Variants in ZNF215 observed in about 807,000 individuals in gnomAD.
The protein encoded by ZNF215 is zinc finger protein 215.
Under a neutral mutation model 27.2 loss-of-function variants are expected in ZNF215, and 24 were observed. The ratio of observed to expected loss-of-function variants is 0.88; its 90% CI spans 0.64 to 1.24. The LOEUF (loss-of-function observed/expected upper bound fraction) is 1.24, where lower values mean the gene tolerates loss of function less well. ZNF215 is among the 50% of genes most tolerant of loss of function. ZNF215 has a pLI of 0.00. For synonymous variants in ZNF215, 210 were observed against 204.0 expected (o/e 1.03, Z -0.25); for missense variants, 675 against 605.7 (o/e 1.11, Z -1.20).
rs574569043 is a variant in ZNF215 at position 6,931,537 on chromosome 11, A to C, written c.-179-557A>C. On this transcript the variant is annotated intron_variant, in intron 2 of 6. Transcript: ENST00000278319. ...CCTGGTGGGCATTGCGTAATTCTCC[A>C]TAGTAACTCCTAACAAATATAAACT... 4.2e-3 allele frequency among the ~76,000 whole-genome samples: 642 copies of C among 152,366 alleles called. 7 individuals carry two copies. The highest frequency in any genetic ancestry group is 0.014 in the African/African-American group (597 of 41,580).
At chr11:6,990,868 TA>T (rs761956688), downstream of ZNF215, among the ~76,000 whole-genome samples, 2 of 152,172 alleles carry the variant, frequency 1.3e-5, no homozygotes, top group Non-Finnish European at 2.9e-5. Flanking sequence ...TCATTTAAAT[TA>T]GTGTGGCACT....
intron 5 of ZNF215, among the ~76,000 whole-genome samples, chr11:6,979,284 G>A (rs554057760): frequency 2.8e-4 from 43 of 151,420 alleles, no homozygotes; most frequent in Non-Finnish European, 6.2e-4. Flanking sequence ...AAATCTAGAG[G>A]GACTTCTGCT....
At chr11:6,927,935 A>T (rs1190917148) in intron 2 of ZNF215, 128 bp downstream of exon 2, 1 of 152,068 alleles carries the variant, frequency 6.6e-6, no homozygotes, top group African/African-American at 2.4e-5. Flanking sequence ...AGGCTTTTCC[A>T]TTGCCTATCA....
chr11:6,947,808 T>A (rs539981845), intron 6 of ZNF215, among the ~76,000 whole-genome samples: 1 of 152,326 alleles, frequency 6.6e-6, no homozygotes, highest in African/African-American at 2.4e-5. Context: ...TAGCTGGGAA[T>A]GCAGCATTCC....
intron 6 of ZNF215, among the ~76,000 whole-genome samples, chr11:6,949,165 T>C (rs1564957303): frequency 1.3e-5 from 2 of 151,662 alleles, no homozygotes; most frequent in African/African-American, 4.8e-5. Flanking sequence ...ACATTTGGGT[T>C]GGTTCCAAGT....
chr11:6,944,484 A>C (rs1252801020), intron 6 of ZNF215, among the ~76,000 whole-genome samples: 1 of 149,998 alleles, frequency 6.7e-6, no homozygotes, highest in African/African-American at 2.5e-5. Flanking sequence ...CAAACTCCTG[A>C]GCTCAAGTGA....
At chr11:6,977,505 T>C (rs2133347318) in intron 5 of ZNF215, among the ~76,000 whole-genome samples, 1 of 151,964 alleles carries the variant, frequency 6.6e-6, no homozygotes, top group East Asian at 1.9e-4. Context: ...TATTTGGAGA[T>C]AGGGCCTTTA....
At chr11:6,960,412 T>C (rs961180827), downstream of ZNF215, among the ~76,000 whole-genome samples, 2 of 152,118 alleles carry the variant, frequency 1.3e-5, no homozygotes, top group African/African-American at 2.4e-5. Flanking sequence ...AAGACCAGCA[T>C]CCAGCCTACA....
chr11:6,954,135 T>G (rs1458980670), intron 6 of ZNF215, among the ~76,000 whole-genome samples: 1 of 152,176 alleles, frequency 6.6e-6, no homozygotes, highest in African/African-American at 2.4e-5. Context: ...GAGATGTCAG[T>G]CTGCCCCTAC....
At chr11:6,974,120 C>T (rs1590084739) in intron 5 of ZNF215, among the ~76,000 whole-genome samples, 1 of 152,058 alleles carries the variant, frequency 6.6e-6, no homozygotes, top group African/African-American at 2.4e-5. Context: ...TATGGCTAGC[C>T]AGTTTTCCCA....
chr11:6,969,486 A>G (rs967111044), intron 5 of ZNF215, among the ~76,000 whole-genome samples: 6 of 152,130 alleles, frequency 3.9e-5, no homozygotes, highest in African/African-American at 1.2e-4. Flanking sequence ...TTTTCAACCT[A>G]TGTGTACAAA....
chr11:6,930,758 A>G (rs1275814668), intron 2 of ZNF215, among the ~76,000 whole-genome samples: 1 of 152,230 alleles, frequency 6.6e-6, no homozygotes, highest in African/African-American at 2.4e-5. Context: ...TAATTTGATC[A>G]GATATTTTTA....
intron 5 of ZNF215, among the ~76,000 whole-genome samples, chr11:6,976,162 A>G (rs1388523): frequency 0.23 from 34,452 of 151,926 alleles, 4,035 homozygotes; most frequent in Non-Finnish European, 0.25. Context: ...TGTTTATTCA[A>G]ATCATTTGCC....
At chr11:6,945,400 T>C (rs954268811) in intron 6 of ZNF215, among the ~76,000 whole-genome samples, 2 of 152,164 alleles carry the variant, frequency 1.3e-5, no homozygotes, top group African/African-American at 4.8e-5. Context: ...TATTACTCTT[T>C]TTCTCACCTC....
intron 6 of ZNF215, among the ~76,000 whole-genome samples, chr11:6,944,572 C>A (rs1849749812): frequency 1.3e-5 from 2 of 151,654 alleles, no homozygotes; most frequent in African/African-American, 4.8e-5. Flanking sequence ...TTTGTTTATT[C>A]CTCATTCTTG....
At position 6,965,900 on chromosome 11, in the gene ZNF215, T is replaced by G. The variant is rs2133326873; in HGVS notation, c.805+10118T>G. Among the ~76,000 whole-genome samples, 3 of 152,264 alleles carry G rather than the reference T, an allele frequency of 2.0e-5. No individual in the cohort carries two copies. The East Asian group carries it at 5.8e-4, about 29-fold the overall frequency. ...TTTTTCTTGTATGCCTTGGTCTAGT[T>G]TGGATTAGACTAATGCTGGTATAAT... On this transcript the variant is annotated intron_variant, in intron 5 of 5. Transcript: ENST00000529903.
intron 5 of ZNF215, among the ~76,000 whole-genome samples, chr11:6,979,463 T>C (rs1034378560): frequency 6.6e-6 from 1 of 152,090 alleles, no homozygotes. Context: ...CTGTTACTTA[T>C]ATCTGTTTAT....
At chr11:6,933,233 A>G (rs1181897058) in intron 3 of ZNF215, among the ~76,000 whole-genome samples, 1 of 152,246 alleles carries the variant, frequency 6.6e-6, no homozygotes, top group Non-Finnish European at 1.5e-5. Flanking sequence ...ACCTAGAGGA[A>G]TTATAAACGT....
chr11:6,949,579 GTT>G (rs1564957752), intron 6 of ZNF215, among the ~76,000 whole-genome samples: 1 of 134,884 alleles, frequency 7.4e-6, no homozygotes, highest in African/African-American at 2.8e-5. Context: ...TGATGGCGTT[GTT>G]TGTTTTTTTC....
Sources: allele counts gnomAD v4.1 joint callset (sites outside exome capture counted in the v4.1 genomes callset), GRCh38; gene constraint gnomAD v4.1.1; transcripts MANE v1.5; gene names NCBI Gene and HGNC (gene_info 2026-07-23, HGNC 2026-07-21).